Variants in MGLL observed in about 807,000 individuals in gnomAD.
MGLL encodes lysophospholipase homolog.
A neutral mutation model predicts 29.1 loss-of-function variants in MGLL; 7 were observed. The ratio of observed to expected loss-of-function variants is 0.24; its 90% CI spans 0.14 to 0.45. The LOEUF (loss-of-function observed/expected upper bound fraction) is 0.45, where lower values mean the gene tolerates loss of function less well. Among genes scored for constraint, MGLL ranks in the 20% least tolerant of loss-of-function variants. The pLI, the probability that MGLL is intolerant of heterozygous loss-of-function variation, is 0.99. For synonymous variants in MGLL, 148 were observed against 168.3 expected (o/e 0.88, Z 0.93); for missense variants, 356 against 413.6 (o/e 0.86, Z 1.21).
intron 7 of MGLL, among the ~76,000 whole-genome samples, chr3:127,694,214 G>A (rs757518583): frequency 2.0e-5 from 3 of 147,920 alleles, no homozygotes; most frequent in Non-Finnish European, 4.4e-5. Context: ...AGGTTGCTGT[G>A]AGCCGAGATG....
intron 2 of MGLL, among the ~76,000 whole-genome samples, chr3:127,802,111 G>A (rs1014690660): frequency 3.9e-5 from 6 of 152,122 alleles, no homozygotes; most frequent in Admixed American, 2.6e-4. Flanking sequence ...ATGCCAGGCC[G>A]GGTTGGGCAC....
chr3:127,820,614 G>A (rs1411576997), intron 2 of MGLL, among the ~76,000 whole-genome samples: 4 of 152,204 alleles, frequency 2.6e-5, no homozygotes, highest in Admixed American at 2.6e-4. Context: ...TCAGAGTGGA[G>A]AATTAATGAT....
rs529372697 is a variant in MGLL at position 127,781,732 on chromosome 3, G to A, written c.262+57C>T. On this transcript the variant is annotated intron_variant, in intron 3 of 7. Coordinates refer to ENST00000265052, the MANE Select transcript of MGLL (RefSeq NM_007283.7). ...GCTGGCAGTGAGATGGACTAGAGAG[G>A]GAGATCTCCAAATTGTCAGGGCCCA... is the stretch of plus-strand genomic sequence containing the variant. The A allele has an allele frequency of 2.1e-6, 3 of 1,417,416 alleles. No homozygotes were observed. In the East Asian group the frequency reaches 6.8e-5, roughly 32 times the overall value. 87.8% of individuals were successfully genotyped at this position (1,417,416 alleles called of 1,614,324 possible). A position where few individuals can be genotyped will look rare whatever the true frequency, so the allele number is the denominator to read the frequency against.
At chr3:127,705,331 TTACC>T (rs1290976630) in intron 6 of MGLL, among the ~76,000 whole-genome samples, 1 of 151,904 alleles carries the variant, frequency 6.6e-6, no homozygotes, top group Non-Finnish European at 1.5e-5. Flanking sequence ...TGGCACATGT[TTACC>T]TATGTAACAA....
chr3:127,775,594 A>C (rs917774146), intron 3 of MGLL, among the ~76,000 whole-genome samples: 12 of 152,324 alleles, frequency 7.9e-5, no homozygotes, highest in South Asian at 4.1e-4. Context: ...GTTAAAAAAA[A>C]ACACACACAC....
chr3:127,792,485 T>C (rs910688095), intron 2 of MGLL, among the ~76,000 whole-genome samples: 1 of 152,116 alleles, frequency 6.6e-6, no homozygotes. Flanking sequence ...GGTCAGATCA[T>C]GAGGTCAAGA....
At chr3:127,791,790 G>T (rs1427337604) in intron 2 of MGLL, among the ~76,000 whole-genome samples, 1 of 152,224 alleles carries the variant, frequency 6.6e-6, no homozygotes, top group Non-Finnish European at 1.5e-5. Context: ...TGCAGCATCT[G>T]TTGGGAGTAG....
chr3:127,725,958 G>C (rs751876462), intron 3 of MGLL, among the ~76,000 whole-genome samples: 2 of 151,648 alleles, frequency 1.3e-5, no homozygotes, highest in Non-Finnish European at 2.9e-5. Context: ...GTGCACACCT[G>C]TAATCCTAGC....
intron 3 of MGLL, among the ~76,000 whole-genome samples, chr3:127,774,268 G>T (rs1287444444): frequency 3.3e-5 from 5 of 152,194 alleles, no homozygotes; most frequent in African/African-American, 1.2e-4. Context: ...CCAGACCTTT[G>T]CAAGAATGGG....
At chr3:127,787,018 T>G (rs138144146) in intron 2 of MGLL, among the ~76,000 whole-genome samples, 1 of 151,968 alleles carries the variant, frequency 6.6e-6, no homozygotes, top group Non-Finnish European at 1.5e-5. Context: ...CTCCCCGGGG[T>G]TTGGAGGTAA....
At chr3:127,708,674 T>C (rs2075650993) in intron 6 of MGLL, among the ~76,000 whole-genome samples, 1 of 152,188 alleles carries the variant, frequency 6.6e-6, no homozygotes. Context: ...CCTCCCTCCC[T>C]GACCCATCTT....
intron 2 of MGLL, among the ~76,000 whole-genome samples, chr3:127,821,081 AG>A (rs1336888443): frequency 3.3e-5 from 5 of 152,236 alleles, no homozygotes; most frequent in African/African-American, 1.2e-4. Context: ...ACAAACAAGC[AG>A]GGTTTTCCTG....
chr3:127,715,429 G>A, intron 5 of MGLL: 1 of 335,658 alleles, frequency 3.0e-6, no homozygotes, highest in Non-Finnish European at 5.9e-6. Context: ...TAACTTCATG[G>A]CTTAAAACAA....
chr3:127,781,918 T>G lies in MGLL; in HGVS notation c.156-23A>C, dbSNP rs775334659. The G allele has an allele frequency of 7.4e-6, 12 of 1,612,082 alleles. No individual in the cohort carries two copies. In the South Asian group the frequency reaches 1.3e-4, roughly 18 times the overall value. ...GCCCTGCAGAGACAAGAAGGGAGCC[T>G]GGTTAGGAAAGCCCACACGGGGCTG... On this transcript the variant is annotated intron_variant, in intron 2 of 7. Coordinates refer to ENST00000265052, the MANE Select transcript of MGLL (RefSeq NM_007283.7).
At chr3:127,769,285 A>C (rs1199420625) in intron 3 of MGLL, among the ~76,000 whole-genome samples, 1 of 151,694 alleles carries the variant, frequency 6.6e-6, no homozygotes, top group Non-Finnish European at 1.5e-5. Context: ...TAGGAGGAGG[A>C]GGTTGCAGTG....
In MGLL at chr3:127,762,687, C is replaced by A. The variant is rs2076787005; in HGVS notation, c.262+19102G>T. ...TTCGTTGCAGGTTCCTTGCAGCCCA[C>A]TGCTCTGTCAGGGACCATCAAATGA... On this transcript the variant is annotated intron_variant, in intron 3 of 7. Coordinates refer to ENST00000265052, the MANE Select transcript of MGLL (RefSeq NM_007283.7). 2.0e-5 allele frequency among the ~76,000 whole-genome samples: 3 copies of A among 152,304 alleles called. No homozygotes were observed. In the South Asian group the frequency reaches 6.2e-4, roughly 32 times the overall value.
At chr3:127,745,007 C>G (rs35307554) in intron 3 of MGLL, among the ~76,000 whole-genome samples, 1 of 152,126 alleles carries the variant, frequency 6.6e-6, no homozygotes, top group Non-Finnish European at 1.5e-5. Flanking sequence ...ACCTGCTGAC[C>G]GGCAGAGTCC....
At position 127,781,658 on chromosome 3, in the gene MGLL, A is replaced by G. The variant is rs1021037368; in HGVS notation, c.262+131T>C. 5.4e-5 allele frequency: 49 copies of G among 907,200 alleles called. 1 individual carries two copies. In the Middle Eastern group the frequency reaches 9.1e-4, roughly 17 times the overall value. 56.2% of individuals were successfully genotyped at this position (907,200 alleles called of 1,614,324 possible). On this transcript the variant is annotated intron_variant, in intron 3 of 7. Coordinates refer to ENST00000265052, the MANE Select transcript of MGLL (RefSeq NM_007283.7). Reference sequence around the variant, plus strand: ...TTTTTTTGTTTGTTTGCATAACTACATTTTTTTACTTTGAAACATCCGTGG... The same window carrying G: ...TTTTTTTGTTTGTTTGCATAACTACGTTTTTTTACTTTGAAACATCCGTGG...
intron 3 of MGLL, among the ~76,000 whole-genome samples, chr3:127,775,393 T>A (rs693742): frequency 0.94 from 143,232 of 152,288 alleles, 67,648 homozygotes; most frequent in Middle Eastern, 1. Context: ...TATTTTAGAA[T>A]ACTTCCAGCA....
Sources: allele counts gnomAD v4.1 joint callset (sites outside exome capture counted in the v4.1 genomes callset), GRCh38; gene constraint gnomAD v4.1.1; transcripts MANE v1.5; gene names NCBI Gene and HGNC (gene_info 2026-07-23, HGNC 2026-07-21).